Variants in SLC22A14 observed in about 807,000 individuals in gnomAD.
SLC22A14 encodes the protein organic cation transporter-like 4.
SLC22A14 carries 50 observed loss-of-function variants against 53.9 expected under a neutral mutation model. That is an observed-to-expected ratio of 0.93 (90% CI 0.74 to 1.17). The LOEUF (loss-of-function observed/expected upper bound fraction) is 1.17, where lower values mean the gene tolerates loss of function less well. SLC22A14 is among the 50% of genes most tolerant of loss of function. SLC22A14 has a pLI of 0.00. For missense variants in SLC22A14, 671 were observed against 734.7 expected (o/e 0.91, Z 1.00); for synonymous variants, 312 against 303.0 (o/e 1.03, Z -0.31).
intron 1 of SLC22A14, among the ~76,000 whole-genome samples, chr3:38,302,460 C>T (rs1704191107): frequency 6.6e-6 from 1 of 151,712 alleles, no homozygotes; most frequent in Middle Eastern, 3.4e-3. Context: ...AGTTCCAGAC[C>T]AACCTGGGCA....
intron 1 of SLC22A14, among the ~76,000 whole-genome samples, chr3:38,295,491 G>C (rs1704011363): frequency 6.6e-6 from 1 of 152,070 alleles, no homozygotes; most frequent in African/African-American, 2.4e-5. Context: ...GAAGGCTATG[G>C]GTTGTCAGTG....
chr3:38,290,530 G>A (rs1703890180), intron 1 of SLC22A14, among the ~76,000 whole-genome samples: 1 of 144,826 alleles, frequency 6.9e-6, no homozygotes. Context: ...TACAGGCCCT[G>A]ACTATCTGCT....
chr3:38,291,579 C>T (rs965404420), intron 1 of SLC22A14, among the ~76,000 whole-genome samples: 5 of 152,254 alleles, frequency 3.3e-5, no homozygotes, highest in Non-Finnish European at 7.3e-5. Context: ...GCCGCCACTA[C>T]CCGTAAACAG....
At chr3:38,297,848 T>C (rs541969493) in intron 1 of SLC22A14, among the ~76,000 whole-genome samples, 1 of 152,356 alleles carries the variant, frequency 6.6e-6, no homozygotes, top group East Asian at 1.9e-4. Flanking sequence ...AAGTATCTTA[T>C]AGTGAGACAC....
intron 1 of SLC22A14, among the ~76,000 whole-genome samples, chr3:38,299,599 A>G (rs1179895724): frequency 4.6e-5 from 7 of 152,180 alleles, no homozygotes; most frequent in Non-Finnish European, 8.8e-5. Context: ...GTCTCACCCT[A>G]TCGCCTAGGC....
chr3:38,284,980 A>G (rs1377749002), intron 1 of SLC22A14, among the ~76,000 whole-genome samples: 2 of 152,178 alleles, frequency 1.3e-5, no homozygotes, highest in African/African-American at 4.8e-5. Context: ...ACCTTAGCCC[A>G]GGGAAGAAAG....
intron 1 of SLC22A14, among the ~76,000 whole-genome samples, chr3:38,290,824 G>A (rs939351049): frequency 6.6e-6 from 1 of 152,134 alleles, no homozygotes; most frequent in Admixed American, 6.5e-5. Context: ...TTAATGAAGG[G>A]TCCTGCTTTG....
rs771199716 is a variant in SLC22A14, at chr3:38,306,569, A to T, written c.516+27A>T. On this transcript the variant is annotated intron_variant, in intron 2 of 10. Transcript: ENST00000448498. The stretch of plus-strand genomic sequence containing the variant: ...TATGTCTTGTCATGGGTTGTCTGTA[A>T]CTACCCTACAGGCTCAGAGTTGTGC... 2.7e-5 allele frequency: 42 copies of T among 1,584,682 alleles called. 1 individual carries two copies. The South Asian group carries it at 4.9e-4, about 19-fold the overall frequency.
chr3:38,299,146 T>C (rs1704106503), intron 1 of SLC22A14, among the ~76,000 whole-genome samples: 1 of 152,246 alleles, frequency 6.6e-6, no homozygotes, highest in African/African-American at 2.4e-5. Context: ...TTAGGTTTAT[T>C]TGCTGCTGTT....
At chr3:38,298,454 CT>C (rs1704088547) in intron 1 of SLC22A14, among the ~76,000 whole-genome samples, 1 of 152,002 alleles carries the variant, frequency 6.6e-6, no homozygotes, top group Non-Finnish European at 1.5e-5. Flanking sequence ...ATCTATCTAT[CT>C]ATCTATCTAT....
chr3:38,307,977 G>T lies in SLC22A14; in HGVS notation c.775+257G>T. 1.9e-6 allele frequency: 1 copy of T among 530,486 alleles called. No homozygotes were observed. The highest frequency in any genetic ancestry group is 3.4e-6 in the Non-Finnish European group (1 of 293,400). The allele number at this position is 530,486 out of a possible 1,614,324, so 32.9% of individuals were successfully genotyped here. On this transcript the variant is annotated intron_variant, in intron 4 of 10. Coordinates refer to ENST00000448498, the MANE Select transcript of SLC22A14 (RefSeq NM_001320033.2). The surrounding 1 kb of genome is among the most constrained non-coding windows in gnomAD (Gnocchi z 4.4). ...CGTTCCTGGCTGCCTGGAGATGTCA[G>T]AGAATCAGTGCCCTGACTGCCCTTC...
chr3:38,317,189 G>C (rs539369555), intron 10 of SLC22A14, among the ~76,000 whole-genome samples: 2 of 152,354 alleles, frequency 1.3e-5, no homozygotes, highest in Admixed American at 1.3e-4. Flanking sequence ...AGGCCCTAGA[G>C]TGTCCTCTGC....
intron 5 of SLC22A14, among the ~76,000 whole-genome samples, chr3:38,311,644 T>A (rs186471731): frequency 1.3e-5 from 2 of 152,350 alleles, no homozygotes; most frequent in Non-Finnish European, 1.5e-5. Flanking sequence ...TCCTATTTCA[T>A]CACTTACAAG....
In SLC22A14 at chr3:38,307,773, A is replaced by G. The variant is rs1438507678; in HGVS notation, c.775+53A>G. The G allele has an allele frequency of 6.3e-7, 1 of 1,596,348 alleles. No individual in the cohort carries two copies. Among genetic ancestry groups the G allele is most frequent in the Non-Finnish European group, 8.6e-7 (1 of 1,168,164 alleles). On this transcript the variant is annotated intron_variant, in intron 4 of 10. Transcript: ENST00000448498. The surrounding 1 kb of genome is among the most constrained non-coding windows in gnomAD (Gnocchi z 4.4). ...CAGGGTGGCACAGGGGCATGGCGGC[A>G]TAGGCGGGTGACAAGGGGACATAGT...
chr3:38,298,429 TC>T (rs1199010595), intron 1 of SLC22A14, among the ~76,000 whole-genome samples: 1 of 108,216 alleles, frequency 9.2e-6, no homozygotes, highest in African/African-American at 3.6e-5. Flanking sequence ...CACACATCTA[TC>T]TATCTATCTA....
In SLC22A14 at chr3:38,293,992, G is replaced by A. The variant is rs534719552; in HGVS notation, c.-1+11653G>A. On this transcript the variant is annotated intron_variant, in intron 1 of 10. Coordinates refer to ENST00000448498, the MANE Select transcript of SLC22A14 (RefSeq NM_001320033.2). ...TGTAAAACATCAATATAGCCATCTG[G>A]GTTATCTGAGAATTTACATAGGTCT... is the stretch of plus-strand genomic sequence containing the variant. 9.2e-5 allele frequency among the ~76,000 whole-genome samples: 14 copies of A among 152,242 alleles called. No individual in the cohort carries two copies. In the South Asian group the frequency reaches 2.7e-3, roughly 29 times the overall value.
chr3:38,299,723 T>G (rs886652833), intron 1 of SLC22A14, among the ~76,000 whole-genome samples: 1 of 152,100 alleles, frequency 6.6e-6, no homozygotes, highest in African/African-American at 2.4e-5. Flanking sequence ...TCACTACACC[T>G]GGTTAATTAT....
intron 1 of SLC22A14, among the ~76,000 whole-genome samples, chr3:38,304,724 T>G (rs1194278846): frequency 6.6e-6 from 1 of 152,224 alleles, no homozygotes. Flanking sequence ...TCAAGATCTT[T>G]TCTTTGTCAT....
At chr3:38,280,631 CTT>C (rs35898444), upstream of SLC22A14, among the ~76,000 whole-genome samples, 10 of 143,310 alleles carry the variant, frequency 7.0e-5, no homozygotes, top group Admixed American at 1.4e-4. Context: ...GTTCTGGGAT[CTT>C]TTTTTTTTTT....
Sources: gnomAD v4.1 joint callset for allele counts (sites outside exome capture counted in the v4.1 genomes callset) on GRCh38, gnomAD v4.1.1 for gene constraint, Gnocchi (gnomAD v3.1) non-coding constraint, MANE v1.5 for transcripts, NCBI Gene and HGNC (gene_info 2026-07-23, HGNC 2026-07-21) for gene names.